TMEM270: variants seen among roughly 807,000 people sequenced by gnomAD.
The protein encoded by TMEM270 is Williams-Beuren syndrome chromosome region 28.
TMEM270 carries 30 observed loss-of-function variants against 29.9 expected under a neutral mutation model. That is an observed-to-expected ratio of 1.00 (90% CI 0.75 to 1.36). TMEM270 has a LOEUF of 1.36. Among genes scored for constraint, TMEM270 ranks in the 40% most tolerant of loss-of-function variants. The pLI is 0.00. For missense variants in TMEM270, 313 were observed against 307.1 expected (o/e 1.02, Z -0.14); for synonymous variants, 135 against 139.8 (o/e 0.97, Z 0.24).
intron 1 of TMEM270, among the ~76,000 whole-genome samples, chr7:73,862,211 A>G (rs1788803417): frequency 6.7e-6 from 1 of 150,204 alleles, no homozygotes; most frequent in Non-Finnish European, 1.5e-5. Context: ...GGTTCAAGCA[A>G]TTCTCCTGCC....
Position 73,861,272 on chromosome 7 carries a change from TG to T in TMEM270, c.72+11del. The stretch of plus-strand genomic sequence containing the variant: ...TTACGAGGCTCTCAGTGCTGGTGAG[TG>T]GGGGCTGGGGGTAAGTGGGGTGGGG... On this transcript the variant is annotated splice_region_variant and intron_variant, in intron 1 of 2. Transcript: ENST00000320531. 7.9e-7 allele frequency: 1 copy of T among 1,269,248 alleles called. No homozygotes were observed. The highest frequency in any genetic ancestry group is 1.2e-5 in the South Asian group (1 of 83,502). The allele number at this position is 1,269,248 out of a possible 1,614,324, so 78.6% of individuals were successfully genotyped here. A position where few individuals can be genotyped will look rare whatever the true frequency, so the allele number is the denominator to read the frequency against.
Position 73,865,022 on chromosome 7 carries a change from T to C in TMEM270, c.102T>C (p.Asn34=). Residue 34 remains asparagine, a synonymous_variant, in exon 2 of 3, where the codon AAT becomes AAC. Transcript: ENST00000320531. The stretch of plus-strand genomic sequence containing the variant: ...TTCAGAACCGAGATCACCTCTATAA[T>C]TTCCTGCTCCTCAAGATCAACCTCT... ...LLVQNRDHLY[N]FLLLKINLFN... 1.3e-6 allele frequency: 2 copies of C among 1,513,452 alleles called. No individual in the cohort carries two copies. Among genetic ancestry groups the C allele is most frequent in the Non-Finnish European group, 1.8e-6 (2 of 1,130,588 alleles). The allele number at this position is 1,513,452 out of a possible 1,614,324, so 93.8% of individuals were successfully genotyped here.
chr7:73,865,092 T>C lies in TMEM270; in HGVS notation c.172T>C (p.Cys58Arg). ...GCTGGCCCAGGAGGCCCGGGGGTCCTGTAACTGGCAGGCCCACCTACCCCT... is the reference window on the plus strand; with the variant it reads ...GCTGGCCCAGGAGGCCCGGGGGTCCCGTAACTGGCAGGCCCACCTACCCCT... ...SGLAQEARGS[C>R]NWQAHLPLGA... The change falls in exon 2 of 3, where the codon TGT (cysteine) becomes CGT (arginine). Residue 58 changes from cysteine (C) to arginine (R), a missense_variant. By Grantham distance (180) the Cys-to-Arg change is radical. Coordinates refer to ENST00000320531, the MANE Select transcript of TMEM270 (RefSeq NM_182504.4). 2.5e-5 allele frequency: 39 copies of C among 1,563,614 alleles called. No individual in the cohort carries two copies. The highest frequency in any genetic ancestry group is 3.4e-5 in the Non-Finnish European group (39 of 1,154,584).
At chr7:73,864,201 T>C (rs1363746720) in intron 1 of TMEM270, among the ~76,000 whole-genome samples, 5 of 149,482 alleles carry the variant, frequency 3.3e-5, no homozygotes, top group Admixed American at 2.0e-4. Context: ...GGGGGGAGGA[T>C]TGCTTGAGCC....
rs782765983 is a variant in TMEM270 at position 73,865,246 on chromosome 7, T to G, written c.326T>G (p.Leu109Arg). 1 of 1,613,626 alleles carries G rather than the reference T, an allele frequency of 6.2e-7. No homozygotes were observed. The highest frequency in any genetic ancestry group is 8.5e-7 in the Non-Finnish European group (1 of 1,180,016). The change falls in exon 2 of 3, where the codon CTG (leucine) becomes CGG (arginine). Residue 109 changes from leucine (L) to arginine (R), a missense_variant. Transcript: ENST00000320531. ...WAGMWGSTKGLGLALLSAWEQ... is the reference protein window; with the variant it reads ...WAGMWGSTKGRGLALLSAWEQ... ...GGCATGTGGGGCAGCACCAAGGGCC[T>G]GGGCCTGGCCTTGCTCAGTGCCTGG... is the stretch of plus-strand genomic sequence containing the variant.
rs368322608 is a variant in TMEM270 at position 73,865,816 on chromosome 7, G to A, written c.741G>A (p.Ala247=). Residue 247 remains alanine, a synonymous_variant, in exon 3 of 3, where the codon GCG becomes GCA. Transcript: ENST00000320531. The stretch of plus-strand genomic sequence containing the variant: ...CTTCCTTGCTGCCCTCACTGTCTGC[G>A]TCCTCGGACTCAGAGTCTGGAACAG... ...SGSSLLPSLS[A]SSDSESGTVL... 106 of 1,613,560 alleles carry A rather than the reference G, an allele frequency of 6.6e-5. No homozygotes were observed. In the African/African-American group the frequency reaches 1.0e-3, roughly 15 times the overall value.
chr7:73,864,376 C>A (rs1230725263), intron 1 of TMEM270, among the ~76,000 whole-genome samples: 3 of 151,802 alleles, frequency 2.0e-5, no homozygotes, highest in African/African-American at 7.3e-5. Context: ...CTGCAGTGAG[C>A]TATGATGACA....
In TMEM270 at chr7:73,865,646, A is replaced by G. The variant is rs1788891906; in HGVS notation, c.571A>G (p.Thr191Ala). 1 of 1,613,690 alleles carries G rather than the reference A, an allele frequency of 6.2e-7. No individual in the cohort carries two copies. Among genetic ancestry groups the G allele is most frequent in the Non-Finnish European group, 8.5e-7 (1 of 1,179,936 alleles). The change falls in exon 3 of 3, where the codon ACT becomes GCT. Residue 191 changes from threonine to alanine, a missense_variant. Physicochemically the swap from Thr to Ala is moderately conservative, Grantham distance 58. Transcript: ENST00000320531. ...QLRRLYWWVE[T>A]MTALTSWHLA... ...GAGACGTCTGTATTGGTGGGTGGAG[A>G]CTATGACTGCCCTCACCTCCTGGCA...
chr7:73,864,930 G>A (rs1054146542), intron 1 of TMEM270, 63 bp from the exon 2 acceptor site: 1 of 1,223,964 alleles, frequency 8.2e-7, no homozygotes, highest in East Asian at 2.7e-5. Context: ...AAAAGAAAAA[G>A]TGGGGTTCCT....
chr7:73,864,952 G>T, intron 1 of TMEM270, 41 bp from the exon 2 acceptor site: 2 of 1,424,694 alleles, frequency 1.4e-6, no homozygotes, highest in Non-Finnish European at 1.9e-6. Flanking sequence ...TCCCAGGAGG[G>T]TGATGATGGC....
Position 73,865,048 on chromosome 7 carries a change from T to C in TMEM270, c.128T>C (p.Phe43Ser), listed in dbSNP as rs782638216. 1 of 1,523,850 alleles carries C rather than the reference T, an allele frequency of 6.6e-7. No individual in the cohort carries two copies. The highest frequency in any genetic ancestry group is 8.8e-7 in the Non-Finnish European group (1 of 1,136,618). 94.4% of individuals were successfully genotyped at this position (1,523,850 alleles called of 1,614,324 possible). A position where few individuals can be genotyped will look rare whatever the true frequency, so the allele number is the denominator to read the frequency against. The change falls in exon 2 of 3, where the codon TTC (phenylalanine) becomes TCC (serine). Residue 43 changes from phenylalanine to serine, a missense_variant. Physicochemically the swap from Phe to Ser is radical, Grantham distance 155. Transcript: ENST00000320531. ...TTCCTGCTCCTCAAGATCAACCTCT[T>C]CAACCACTGGGTGTCAGGGCTGGCC... ...YNFLLLKINL[F>S]NHWVSGLAQE...
intron 1 of TMEM270, among the ~76,000 whole-genome samples, chr7:73,863,866 A>G (rs1226316986): frequency 4.6e-5 from 7 of 152,164 alleles, no homozygotes; most frequent in African/African-American, 1.7e-4. Context: ...AAGCCCAGCT[A>G]CTTGGAAGAA....
chr7:73,860,913 T>C (rs1208298936), upstream of TMEM270, among the ~76,000 whole-genome samples: 1 of 152,108 alleles, frequency 6.6e-6, no homozygotes. Flanking sequence ...TCCCAAAGCA[T>C]TGGGAATCCA....
At position 73,865,428 on chromosome 7, in the gene TMEM270, G is replaced by A. The variant is rs1788884780; in HGVS notation, c.501+7G>A. Reference sequence around the variant, plus strand: ...GGGCAGGCAGCTCAGTAAGGTGGGTGGTCTCGGGGTGAGGCTGGGGTGTGG... The same window carrying A: ...GGGCAGGCAGCTCAGTAAGGTGGGTAGTCTCGGGGTGAGGCTGGGGTGTGG... On this transcript the variant is annotated splice_region_variant and intron_variant, in intron 2 of 2. Coordinates refer to ENST00000320531, the MANE Select transcript of TMEM270 (RefSeq NM_182504.4). 2 of 1,604,436 alleles carry A rather than the reference G, an allele frequency of 1.2e-6. No individual in the cohort carries two copies. Among genetic ancestry groups the A allele is most frequent in the South Asian group, 2.2e-5 (2 of 89,274 alleles).
In TMEM270 at chr7:73,865,311, T is replaced by C; in HGVS notation, c.391T>C (p.Phe131Leu). The change falls in exon 2 of 3, where the codon TTT (phenylalanine) becomes CTT (leucine). Residue 131 changes from phenylalanine to leucine, a missense_variant. Physicochemically the swap from Phe to Leu is conservative, Grantham distance 22. Coordinates refer to ENST00000320531, the MANE Select transcript of TMEM270 (RefSeq NM_182504.4). ...GLSVAIWTDL[F>L]LSCLHGLMLV... ...GTCTGTGGCCATCTGGACAGATCTG[T>C]TTTTGTCATGTCTGCACGGCCTGAT... The C allele has an allele frequency of 6.2e-7, 1 of 1,613,252 alleles. No homozygotes were observed. Among genetic ancestry groups the C allele is most frequent in the Non-Finnish European group, 8.5e-7 (1 of 1,179,926 alleles).
At position 73,862,307 on chromosome 7, in the gene TMEM270, C is replaced by T. The variant is rs543684163; in HGVS notation, c.72+1041C>T. Among the ~76,000 whole-genome samples the T allele has an allele frequency of 4.3e-4, 66 of 152,090 alleles. 1 individual carries two copies. Among genetic ancestry groups the T allele is most frequent in the South Asian group, 1.7e-3 (8 of 4,822 alleles). On this transcript the variant is annotated intron_variant, in intron 1 of 2. Coordinates refer to ENST00000320531, the MANE Select transcript of TMEM270 (RefSeq NM_182504.4). ...ATCTTTAGTAGAGACAGGGTTTCAC[C>T]GCATTGGCCAGGCTGGTCTCAAACT...
rs375858400 is a variant in TMEM270 at position 73,861,257 on chromosome 7, C to T, written c.63C>T (p.Leu21=). 9 of 1,611,480 alleles carry T rather than the reference C, an allele frequency of 5.6e-6. No homozygotes were observed. The highest frequency in any genetic ancestry group is 1.1e-5 in the South Asian group (1 of 90,994). Reference sequence around the variant, plus strand: ...GGATCCTGTTGCAGGTTACGAGGCTCTCAGTGCTGGTGAGTGGGGGCTGGG... The same window carrying T: ...GGATCCTGTTGCAGGTTACGAGGCTTTCAGTGCTGGTGAGTGGGGGCTGGG... The part of the protein sequence containing the change: ...LLGILLQVTR[L]SVLLVQNRDH... The change falls in exon 1 of 3, where the codon CTC becomes CTT. Residue 21 remains leucine (L), a synonymous_variant. Coordinates refer to ENST00000320531, the MANE Select transcript of TMEM270 (RefSeq NM_182504.4).
chr7:73,865,192 T>A lies in TMEM270; in HGVS notation c.272T>A (p.Val91Glu), dbSNP rs782652412. Residue 91 changes from valine (V) to glutamate (E), a missense_variant, in exon 2 of 3, where the codon GTG (valine) becomes GAG (glutamate). Transcript: ENST00000320531. The part of the protein sequence containing the change: ...LALIQVPVWL[V>E]LQGPRLMWAG... ...CTGATACAGGTCCCCGTATGGCTGG[T>A]GCTACAGGGACCCAGGCTGATGTGG... The A allele has an allele frequency of 6.2e-6, 10 of 1,613,248 alleles. No individual in the cohort carries two copies. Among genetic ancestry groups the A allele is most frequent in the Non-Finnish European group, 7.6e-6 (9 of 1,179,884 alleles).
At chr7:73,864,630 C>T (rs1554639669) in intron 1 of TMEM270, among the ~76,000 whole-genome samples, 1 of 150,898 alleles carries the variant, frequency 6.6e-6, no homozygotes, top group African/African-American at 2.4e-5. Flanking sequence ...TGGCCAGGCG[C>T]AGTGGCTCAC....
Sources: allele counts gnomAD v4.1 joint callset (sites outside exome capture counted in the v4.1 genomes callset), GRCh38; gene constraint gnomAD v4.1.1; transcripts MANE v1.5; gene names NCBI Gene and HGNC (gene_info 2026-07-23, HGNC 2026-07-21).